RIMS2: variants seen among roughly 807,000 people sequenced by gnomAD.
RIMS2 encodes regulating synaptic membrane exocytosis 2.
Under a neutral mutation model 174.4 loss-of-function variants are expected in RIMS2, and 59 were observed. The ratio of observed to expected loss-of-function variants is 0.34; its 90% CI spans 0.27 to 0.42. The LOEUF (loss-of-function observed/expected upper bound fraction) is 0.42. RIMS2 is among the 10% of genes least tolerant of loss of function. The probability of loss-of-function intolerance (pLI) is 1.00; values close to 1 mark genes in which losing one functional copy is unlikely to be tolerated. For missense variants in RIMS2, 1,620 were observed against 1,666.3 expected, an observed-to-expected ratio of 0.97 and a Z score of 0.48; for synonymous variants, 606 against 572.5, an observed-to-expected ratio of 1.06 and a Z score of -0.84.
chr8:103,834,104 G>A (rs2098842625), intron 3 of RIMS2, among the ~76,000 whole-genome samples: 1 of 151,872 alleles, frequency 6.6e-6, no homozygotes, highest in Admixed American at 6.6e-5. Flanking sequence ...CAACCCTCTG[G>A]GCTCAAGTGA....
chr8:103,507,498 T>G (rs934497233), intron 1 of RIMS2, among the ~76,000 whole-genome samples: 1 of 152,068 alleles, frequency 6.6e-6, no homozygotes, highest in Non-Finnish European at 1.5e-5. Flanking sequence ...GAATGAAATA[T>G]TATGTTCATC....
At chr8:103,604,252 G>A (rs571020611) in intron 1 of RIMS2, among the ~76,000 whole-genome samples, 14 of 151,100 alleles carry the variant, frequency 9.3e-5, no homozygotes, top group Non-Finnish European at 1.9e-4. Flanking sequence ...TTATTAAATA[G>A]AGAATCCTTT....
chr8:103,849,092 T>C (rs1193068275), intron 3 of RIMS2, among the ~76,000 whole-genome samples: 1 of 152,070 alleles, frequency 6.6e-6, no homozygotes. Context: ...TACCACATAA[T>C]CCAGTGCATC....
intron 1 of RIMS2, among the ~76,000 whole-genome samples, chr8:103,662,457 A>C (rs1269035104): frequency 1.3e-5 from 2 of 152,200 alleles, no homozygotes; most frequent in Non-Finnish European, 2.9e-5. Flanking sequence ...CCCAGGCAAC[A>C]GTGGATAAAA....
intron 1 of RIMS2, among the ~76,000 whole-genome samples, chr8:103,525,763 T>C (rs1382539264): frequency 2.0e-5 from 3 of 152,200 alleles, no homozygotes; most frequent in African/African-American, 4.8e-5. Flanking sequence ...TATGATCTCT[T>C]TTAATAATAT....
At chr8:103,764,846 T>C (rs1300116356) in intron 2 of RIMS2, among the ~76,000 whole-genome samples, 1 of 152,146 alleles carries the variant, frequency 6.6e-6, no homozygotes, top group Admixed American at 6.5e-5. Flanking sequence ...TTTATTATGC[T>C]AGTAGAAGAT....
At chr8:103,944,206 C>G (rs947973385) in intron 14 of RIMS2, among the ~76,000 whole-genome samples, 1 of 151,992 alleles carries the variant, frequency 6.6e-6, no homozygotes, top group Non-Finnish European at 1.5e-5. Flanking sequence ...TTCAGCCTCC[C>G]CACATAGTAA....
chr8:104,056,993 T>C (rs548221300), intron 19 of RIMS2, among the ~76,000 whole-genome samples: 1 of 152,112 alleles, frequency 6.6e-6, no homozygotes, highest in Non-Finnish European at 1.5e-5. Flanking sequence ...TTACTTCCAC[T>C]GTACTCTGCA....
chr8:103,525,762 T>C (rs1833693395), intron 1 of RIMS2, among the ~76,000 whole-genome samples: 2 of 152,210 alleles, frequency 1.3e-5, no homozygotes, highest in Admixed American at 1.3e-4. Flanking sequence ...CTATGATCTC[T>C]TTTAATAATA....
exon 2 of RIMS2, chr8:103,697,287 C>T: frequency 6.2e-7 from 1 of 1,611,820 alleles, no homozygotes; most frequent in Non-Finnish European, 8.5e-7. Flanking sequence ...TGTCATTACG[C>T]TCAAACAAGG....
At chr8:104,008,765 ATTG>A (rs1210153524) in intron 17 of RIMS2, among the ~76,000 whole-genome samples, 1 of 151,872 alleles carries the variant, frequency 6.6e-6, no homozygotes, top group Non-Finnish European at 1.5e-5. Flanking sequence ...CACATTTTAT[ATTG>A]TTATTAACTT....
intron 19 of RIMS2, among the ~76,000 whole-genome samples, chr8:104,136,412 A>G (rs73299443): frequency 0.034 from 5,173 of 152,302 alleles, 250 homozygotes; most frequent in African/African-American, 0.11. Flanking sequence ...ACCAACAAAA[A>G]TGAAGAGTAA....
chr8:104,164,352 AAC>A (rs1315979988), intron 19 of RIMS2, among the ~76,000 whole-genome samples: 4 of 152,252 alleles, frequency 2.6e-5, no homozygotes, highest in African/African-American at 9.6e-5. Flanking sequence ...TTTACAAAAA[AAC>A]ACAGATTATT....
At chr8:104,151,606 G>A (rs944646390) in intron 19 of RIMS2, among the ~76,000 whole-genome samples, 11 of 152,068 alleles carry the variant, frequency 7.2e-5, no homozygotes, top group African/African-American at 2.7e-4. Context: ...AGAGATGTTG[G>A]GGAAAGAGGA....
intron 2 of RIMS2, among the ~76,000 whole-genome samples, chr8:103,760,089 G>A (rs975925269): frequency 2.0e-5 from 3 of 152,274 alleles, no homozygotes; most frequent in East Asian, 1.9e-4. Flanking sequence ...AAATAAATAC[G>A]CTACCTTTCT....
chr8:104,152,140 T>C (rs777226248), intron 19 of RIMS2, among the ~76,000 whole-genome samples: 2 of 152,192 alleles, frequency 1.3e-5, no homozygotes, highest in Non-Finnish European at 2.9e-5. Flanking sequence ...TGAGTAGTTA[T>C]AGGTTTTTGT....
intron 2 of RIMS2, among the ~76,000 whole-genome samples, chr8:103,731,787 T>G (rs2097599069): frequency 6.6e-6 from 1 of 152,228 alleles, no homozygotes. Flanking sequence ...GAATTTCTGC[T>G]TGATTCTTTT....
intron 3 of RIMS2, among the ~76,000 whole-genome samples, chr8:103,818,986 G>C (rs1283048330): frequency 6.6e-6 from 1 of 152,072 alleles, no homozygotes; most frequent in Non-Finnish European, 1.5e-5. Flanking sequence ...GATATATGCT[G>C]TTGCTGGAGT....
intron 3 of RIMS2, among the ~76,000 whole-genome samples, chr8:103,805,446 CA>C (rs779293608): frequency 6.6e-6 from 1 of 151,924 alleles, no homozygotes; most frequent in Non-Finnish European, 1.5e-5. Flanking sequence ...CACATATAAT[CA>C]ACTATTTTTA....
Sources: gnomAD v4.1 joint callset for allele counts (sites outside exome capture counted in the v4.1 genomes callset) on GRCh38, gnomAD v4.1.1 for gene constraint, MANE v1.5 for transcripts, NCBI Gene and HGNC (gene_info 2026-07-23, HGNC 2026-07-21) for gene names.